The following MTMR7 variants were observed in gnomAD, a reference collection of about 807,000 sequenced individuals.
MTMR7 encodes phosphatidylinositol-3-phosphate phosphatase MTMR7.
In MTMR7, 76 loss-of-function variants were observed where a neutral mutation model predicts 81.2. The ratio of observed to expected loss-of-function variants is 0.94; its 90% CI spans 0.78 to 1.13. The LOEUF (loss-of-function observed/expected upper bound fraction) is 1.13, where lower values mean the gene tolerates loss of function less well. Among genes scored for constraint, MTMR7 ranks in the 50% most tolerant of loss-of-function variants. The pLI, the probability that MTMR7 is intolerant of heterozygous loss-of-function variation, is 0.00. For missense variants in MTMR7, 1,044 were observed against 820.0 expected (o/e 1.27, Z -3.34); for synonymous variants, 372 against 289.8 (o/e 1.28, Z -2.88).
rs530240881 is a variant in MTMR7, at chr8:17,408,395, CAA to C, written c.24+4872_24+4873del. 3.8e-3 allele frequency among the ~76,000 whole-genome samples: 89 copies of C among 23,502 alleles called. 2 individuals carry two copies. The highest frequency in any genetic ancestry group is 8.0e-3 in the East Asian group (4 of 498). The allele number at this position is 23,502 out of a possible 152,430, so 15.4% of individuals were successfully genotyped here. On this transcript the variant is annotated intron_variant, in intron 1 of 13. Coordinates refer to ENST00000180173, the MANE Select transcript of MTMR7 (RefSeq NM_004686.5). ...TGGGCGACAGAGCGAGACTCCGTCTCAAAAAAAAAAAAAAAAAAAAAAAGAAC... is the reference window on the plus strand; with the variant it reads ...TGGGCGACAGAGCGAGACTCCGTCTCAAAAAAAAAAAAAAAAAAAAAGAAC...
intron 5 of MTMR7, 75 bp from the exon 6 acceptor site, chr8:17,341,572 A>C (rs1166714657): frequency 3.3e-6 from 5 of 1,527,446 alleles, no homozygotes; most frequent in Admixed American, 1.9e-5. Flanking sequence ...GTGTGTCTCC[A>C]GAACAAAGAG....
chr8:17,325,054 G>A (rs191123954), intron 7 of MTMR7, among the ~76,000 whole-genome samples: 1 of 152,192 alleles, frequency 6.6e-6, no homozygotes, highest in East Asian at 1.9e-4. Flanking sequence ...TTTCCTCAAG[G>A]TTGAATTAGC....
intron 1 of MTMR7, among the ~76,000 whole-genome samples, chr8:17,403,659 G>C (rs1181792316): frequency 6.6e-6 from 1 of 152,010 alleles, no homozygotes; most frequent in African/African-American, 2.4e-5. Context: ...ATTGCTTTGG[G>C]TTGTATGGAC....
At chr8:17,368,324 G>C (rs11996096) in intron 3 of MTMR7, among the ~76,000 whole-genome samples, 5,206 of 152,260 alleles carry the variant, frequency 0.034, 493 homozygotes, top group East Asian at 0.31. Context: ...TGCGGCCCAG[G>C]GGTTGGGGAC....
At chr8:17,328,319 C>T (rs1476452459) in intron 7 of MTMR7, among the ~76,000 whole-genome samples, 1 of 152,168 alleles carries the variant, frequency 6.6e-6, no homozygotes, top group Non-Finnish European at 1.5e-5. Flanking sequence ...CCACTTCCTC[C>T]CCAACACCCA....
At chr8:17,300,510 A>C (rs1817043648) in intron 13 of MTMR7, among the ~76,000 whole-genome samples, 1 of 152,186 alleles carries the variant, frequency 6.6e-6, no homozygotes, top group Non-Finnish European at 1.5e-5. Context: ...CCTCTTTTCT[A>C]TACCTACATG....
intron 1 of MTMR7, among the ~76,000 whole-genome samples, chr8:17,404,754 C>A (rs1821527302): frequency 6.6e-6 from 1 of 151,946 alleles, no homozygotes; most frequent in Non-Finnish European, 1.5e-5. Flanking sequence ...AGAGACTTAC[C>A]CAACAATTTA....
At chr8:17,323,903 A>G (rs1444164315) in intron 7 of MTMR7, among the ~76,000 whole-genome samples, 1 of 152,216 alleles carries the variant, frequency 6.6e-6, no homozygotes, top group Non-Finnish European at 1.5e-5. Context: ...ATCTTGGTTA[A>G]CAGAACAATA....
At chr8:17,411,766 G>C (rs537621979) in intron 1 of MTMR7, among the ~76,000 whole-genome samples, 1 of 152,300 alleles carries the variant, frequency 6.6e-6, no homozygotes, top group African/African-American at 2.4e-5. Flanking sequence ...ACGTGACTTT[G>C]TACCAGGTGG....
chr8:17,365,412 A>G (rs184349778), intron 3 of MTMR7, among the ~76,000 whole-genome samples: 25 of 152,210 alleles, frequency 1.6e-4, no homozygotes, highest in African/African-American at 5.8e-4. Context: ...ATATTTACAG[A>G]ATCTGAACAG....
intron 4 of MTMR7, among the ~76,000 whole-genome samples, chr8:17,354,880 T>A (rs1055155427): frequency 6.6e-6 from 1 of 152,206 alleles, no homozygotes; most frequent in Non-Finnish European, 1.5e-5. Flanking sequence ...CTTCCTCCCA[T>A]TTCGGTGATA....
chr8:17,375,174 G>T (rs909488187), intron 1 of MTMR7, among the ~76,000 whole-genome samples: 5 of 152,132 alleles, frequency 3.3e-5, no homozygotes, highest in Admixed American at 1.3e-4. Flanking sequence ...AGAGCCAGGG[G>T]AGTAGCAGAC....
chr8:17,360,929 G>A lies in MTMR7; in HGVS notation c.468+188C>T, dbSNP rs190442437. Reference sequence around the variant, plus strand: ...TCTGGAAGGGGTGATCTGTATAGCAGGTTCAAACGTTTTGATTCTAGGTCC... The same window carrying A: ...TCTGGAAGGGGTGATCTGTATAGCAAGTTCAAACGTTTTGATTCTAGGTCC... On this transcript the variant is annotated intron_variant, in intron 4 of 13. Transcript: ENST00000180173. Among the ~76,000 whole-genome samples, 5 of 152,202 alleles carry A rather than the reference G, an allele frequency of 3.3e-5. No homozygotes were observed. The East Asian group carries it at 9.7e-4, about 29-fold the overall frequency.
At chr8:17,399,392 A>G (rs1047136422) in intron 1 of MTMR7, among the ~76,000 whole-genome samples, 1 of 152,182 alleles carries the variant, frequency 6.6e-6, no homozygotes, top group Non-Finnish European at 1.5e-5. Flanking sequence ...ATAGCTACAA[A>G]TAATATAAAA....
At chr8:17,343,101 T>C (rs1819450728) in intron 5 of MTMR7, among the ~76,000 whole-genome samples, 1 of 152,096 alleles carries the variant, frequency 6.6e-6, no homozygotes, top group African/African-American at 2.4e-5. Flanking sequence ...TAATTCTGAG[T>C]TGGCTTTAGA....
Position 17,297,243 on chromosome 8 carries a change from T to G in MTMR7, c.*2619A>C, listed in dbSNP as rs999351202. On this transcript the variant is annotated 3_prime_UTR_variant, in exon 14 of 14. Transcript: ENST00000180173. ...TTGTCATAGGTAGAGATTTAAAGGT[T>G]AATATCTTAAAATAGAAGAAAATTC... is the stretch of plus-strand genomic sequence containing the variant. The G allele has an allele frequency of 6.6e-6, 1 of 152,108 alleles. No individual in the cohort carries two copies. Among genetic ancestry groups the G allele is most frequent in the Non-Finnish European group, 1.5e-5 (1 of 67,988 alleles). The allele number at this position is 152,108 out of a possible 1,614,324, so 9.4% of individuals were successfully genotyped here. A position where few individuals can be genotyped will look rare whatever the true frequency, so the allele number is the denominator to read the frequency against.
At chr8:17,321,807 T>G (rs993018351) in intron 7 of MTMR7, among the ~76,000 whole-genome samples, 20 of 152,334 alleles carry the variant, frequency 1.3e-4, no homozygotes, top group African/African-American at 3.6e-4. Context: ...CTAGTGATAT[T>G]TGTTTTATAT....
intron 1 of MTMR7, among the ~76,000 whole-genome samples, chr8:17,392,727 G>C (rs1039504036): frequency 1.3e-5 from 2 of 152,178 alleles, no homozygotes; most frequent in Non-Finnish European, 2.9e-5. Context: ...TGGGTTACAG[G>C]GAGGCATTCT....
rs573461530 is a variant in MTMR7, at chr8:17,367,884, T to C, written c.310+3153A>G. Among the ~76,000 whole-genome samples, 66 of 151,346 alleles carry C rather than the reference T, an allele frequency of 4.4e-4. 1 individual carries two copies. In the South Asian group the frequency reaches 0.014, roughly 31 times the overall value. ...AGGTTTGGGGTTTTTTTTTTTTTTT[T>C]CTATTTTTAAAGTACTTTTGATTTT... is the stretch of plus-strand genomic sequence containing the variant. On this transcript the variant is annotated intron_variant, in intron 3 of 13. Coordinates refer to ENST00000180173, the MANE Select transcript of MTMR7 (RefSeq NM_004686.5).
Sources: gnomAD v4.1 joint callset for allele counts (sites outside exome capture counted in the v4.1 genomes callset) on GRCh38, gnomAD v4.1.1 for gene constraint, MANE v1.5 for transcripts, NCBI Gene and HGNC (gene_info 2026-07-23, HGNC 2026-07-21) for gene names.